The following IL1RAPL1 variants were observed in gnomAD, a reference collection of about 807,000 sequenced individuals.
IL1RAPL1 encodes the protein interleukin 1 receptor accessory protein like 1.
Under a neutral mutation model 48.4 loss-of-function variants are expected in IL1RAPL1, and 3 were observed. The ratio of observed to expected loss-of-function variants is 0.06; its 90% confidence interval spans 0.03 to 0.16. The LOEUF (loss-of-function observed/expected upper bound fraction) is 0.16. Ranked by LOEUF, IL1RAPL1 falls within the 10% of genes least tolerant of loss-of-function variation. The pLI is 1.00. For missense variants in IL1RAPL1, 349 were observed against 530.6 expected (o/e 0.66, Z 3.36); for synonymous variants, 185 against 187.7 (o/e 0.99, Z 0.12).
chrX:29,116,069 T>C (rs1310680385), intron 2 of IL1RAPL1, among the ~76,000 whole-genome samples: 1 of 111,617 alleles, frequency 9.0e-6, no homozygotes, highest in Non-Finnish European at 1.9e-5. Context: ...ATCCAGTGTT[T>C]AGTTCTATTT....
intron 5 of IL1RAPL1, among the ~76,000 whole-genome samples, chrX:29,539,149 G>A (rs1921346844): frequency 9.0e-6 from 1 of 111,327 alleles, no homozygotes; most frequent in African/African-American, 3.3e-5. Context: ...TAATATAGAC[G>A]CAGAAATCCT....
chrX:29,072,889 A>C (rs1602043401), intron 2 of IL1RAPL1, among the ~76,000 whole-genome samples: 1 of 111,635 alleles, frequency 9.0e-6, no homozygotes, highest in African/African-American at 3.3e-5. Context: ...CTAATCTGCA[A>C]AACCCGAGGA....
chrX:29,177,436 G>A (rs1930047099), intron 2 of IL1RAPL1, among the ~76,000 whole-genome samples: 1 of 111,474 alleles, frequency 9.0e-6, no homozygotes, highest in African/African-American at 3.3e-5. Flanking sequence ...TGAAAAATTG[G>A]CACAAAATGC....
At position 28,728,902 on chromosome X, in the gene IL1RAPL1, A is replaced by G. The variant is rs968568168; in HGVS notation, c.-24-60418A>G. ...CTTGTAGATATTATGGCTATTCTAA[A>G]TATTTGGATATTTGCTGCTCTAAAA... On this transcript the variant is annotated intron_variant, in intron 1 of 10. Transcript: ENST00000378993. Among the ~76,000 whole-genome samples, 3 of 111,354 alleles carry G rather than the reference A, an allele frequency of 2.7e-5. No individual in the cohort carries two copies. In the East Asian group the frequency reaches 8.4e-4, roughly 31 times the overall value.
intron 2 of IL1RAPL1, among the ~76,000 whole-genome samples, chrX:28,891,855 A>G (rs1922778135): frequency 9.0e-6 from 1 of 111,630 alleles, no homozygotes; most frequent in South Asian, 3.7e-4. Context: ...TGAGGGTGCC[A>G]GTTCCTCCAC....
At chrX:29,410,926 G>A (rs1934135619) in intron 5 of IL1RAPL1, among the ~76,000 whole-genome samples, 1 of 111,572 alleles carries the variant, frequency 9.0e-6, no homozygotes, top group Non-Finnish European at 1.9e-5. Flanking sequence ...TTTCTTTGGA[G>A]TACCACTCCT....
chrX:29,711,636 G>A (rs1008932774), intron 6 of IL1RAPL1, among the ~76,000 whole-genome samples: 3 of 111,460 alleles, frequency 2.7e-5, no homozygotes, highest in African/African-American at 9.8e-5. Flanking sequence ...AGAGGTATGG[G>A]TGTATTTTAT....
intron 5 of IL1RAPL1, among the ~76,000 whole-genome samples, chrX:29,428,041 A>T (rs1934370846): frequency 8.9e-6 from 1 of 112,289 alleles, no homozygotes; most frequent in Non-Finnish European, 1.9e-5. Context: ...AGCACAATGG[A>T]GTCACCTATG....
At chrX:29,860,424 A>G (rs771093352) in intron 6 of IL1RAPL1, among the ~76,000 whole-genome samples, 1 of 111,355 alleles carries the variant, frequency 9.0e-6, no homozygotes, top group South Asian at 3.9e-4. Context: ...GGTTTATTAC[A>G]TAGGTATACA....
chrX:29,285,628 G>A (rs1183502517), intron 3 of IL1RAPL1, among the ~76,000 whole-genome samples: 1 of 101,916 alleles, frequency 9.8e-6, no homozygotes, highest in Admixed American at 1.1e-4. Flanking sequence ...CTTGCCATAT[G>A]TTCATATGTC....
chrX:28,636,891 C>CTTA (rs1934472052), intron 1 of IL1RAPL1, among the ~76,000 whole-genome samples: 1 of 111,599 alleles, frequency 9.0e-6, no homozygotes, highest in Admixed American at 9.6e-5. Context: ...AGCATATGGA[C>CTTA]ACTTTACACA....
intron 3 of IL1RAPL1, among the ~76,000 whole-genome samples, chrX:29,381,632 T>A (rs1381358902): frequency 1.0e-5 from 1 of 97,945 alleles, no homozygotes; most frequent in East Asian, 3.4e-4. Context: ...CTGGGCGACA[T>A]GGAGAGATAC....
intron 2 of IL1RAPL1, among the ~76,000 whole-genome samples, chrX:29,148,359 G>A (rs925452380): frequency 9.9e-5 from 11 of 111,616 alleles, no homozygotes; most frequent in Non-Finnish European, 9.4e-5. Flanking sequence ...TAGTCACCAA[G>A]GGATTGCACA....
intron 5 of IL1RAPL1, among the ~76,000 whole-genome samples, chrX:29,586,542 G>A (rs1923168615): frequency 9.0e-6 from 1 of 111,657 alleles, no homozygotes; most frequent in African/African-American, 3.3e-5. Flanking sequence ...GGTTCCATAT[G>A]AATTGTAGAA....
chrX:29,116,127 T>C (rs886131868), intron 2 of IL1RAPL1, among the ~76,000 whole-genome samples: 4 of 111,667 alleles, frequency 3.6e-5, no homozygotes, highest in Non-Finnish European at 7.5e-5. Flanking sequence ...TAGTTTTATA[T>C]AATTAATTTT....
chrX:28,621,517 A>G (rs1934284945), intron 1 of IL1RAPL1, among the ~76,000 whole-genome samples: 1 of 111,630 alleles, frequency 9.0e-6, no homozygotes, highest in African/African-American at 3.3e-5. Flanking sequence ...TTAGTCTTTT[A>G]TGTCTCTTTG....
chrX:29,356,527 T>G (rs2147656419), intron 3 of IL1RAPL1, among the ~76,000 whole-genome samples: 1 of 111,887 alleles, frequency 8.9e-6, no homozygotes, highest in African/African-American at 3.2e-5. Context: ...ATGTATATTT[T>G]GTGCATATAT....
intron 5 of IL1RAPL1, among the ~76,000 whole-genome samples, chrX:29,400,104 T>C (rs1049744975): frequency 6.3e-5 from 7 of 111,711 alleles, no homozygotes; most frequent in African/African-American, 2.3e-4. Context: ...TGAATAATTA[T>C]GTGAGATGTG....
At chrX:28,633,050 G>A (rs1157549437) in intron 1 of IL1RAPL1, among the ~76,000 whole-genome samples, 1 of 109,706 alleles carries the variant, frequency 9.1e-6, no homozygotes, top group Non-Finnish European at 1.9e-5. Flanking sequence ...CACCACACCT[G>A]GCTAATTTTT....
Sources: gnomAD v4.1 joint callset for allele counts (sites outside exome capture counted in the v4.1 genomes callset) on GRCh38, gnomAD v4.1.1 for gene constraint, MANE v1.5 for transcripts, NCBI Gene and HGNC (gene_info 2026-07-23, HGNC 2026-07-21) for gene names.